The following PRSS35 variants were observed in gnomAD, a reference collection of about 807,000 sequenced individuals.
PRSS35 encodes the protein inactive serine protease 35.
Under a neutral mutation model 8.1 loss-of-function variants are expected in PRSS35, and 7 were observed. The observed-to-expected ratio is 0.86, with a 90% CI of 0.49 to 1.62. PRSS35 has a LOEUF of 1.62. Ranked by LOEUF, PRSS35 falls within the 40% of genes most tolerant of loss-of-function variation. The pLI is 0.00. For missense variants in PRSS35, 566 were observed against 518.0 expected (o/e 1.09, Z -0.90); for synonymous variants, 199 against 188.7 (o/e 1.05, Z -0.45).
At chr6:83,515,887 C>T (rs1490212428) in intron 1 of PRSS35, among the ~76,000 whole-genome samples, 1 of 152,050 alleles carries the variant, frequency 6.6e-6, no homozygotes, top group African/African-American at 2.4e-5. Flanking sequence ...GTGATCTCAC[C>T]TCACTGCAAC....
Position 83,525,049 on chromosome 6 carries a change from G to T in PRSS35, c.*366G>T. Reference sequence around the variant, plus strand: ...GTCCTACTCTAAGAAGAATCTAATAGGATGCTGGTTGTGTATTAAATGTGA... The same window carrying T: ...GTCCTACTCTAAGAAGAATCTAATATGATGCTGGTTGTGTATTAAATGTGA... On this transcript the variant is annotated 3_prime_UTR_variant, in exon 2 of 2. Transcript: ENST00000369700. 1 of 199,568 alleles carries T rather than the reference G, an allele frequency of 5.0e-6. No individual in the cohort carries two copies. Among genetic ancestry groups the T allele is most frequent in the Admixed American group, 5.5e-5 (1 of 18,206 alleles). The allele number at this position is 199,568 out of a possible 1,614,324, so 12.4% of individuals were successfully genotyped here.
chr6:83,524,827 C>A lies in PRSS35; in HGVS notation c.*144C>A. 1.0e-6 allele frequency: 1 copy of A among 959,990 alleles called. No homozygotes were observed. Among genetic ancestry groups the A allele is most frequent in the Non-Finnish European group, 1.5e-6 (1 of 664,572 alleles). The allele number at this position is 959,990 out of a possible 1,614,324, so 59.5% of individuals were successfully genotyped here. ...ACATTTTTCAAAATCAGGAGATTTT[C>A]GTCCATTTAAAAAATGTATAGGTGC... is the stretch of plus-strand genomic sequence containing the variant. On this transcript the variant is annotated 3_prime_UTR_variant, in exon 2 of 2. Coordinates refer to ENST00000369700, the MANE Select transcript of PRSS35 (RefSeq NM_153362.3).
chr6:83,522,532 G>A (rs746185033), intron 1 of PRSS35, among the ~76,000 whole-genome samples: 5 of 151,994 alleles, frequency 3.3e-5, no homozygotes, highest in Non-Finnish European at 7.4e-5. Context: ...CGGTGAAAAG[G>A]GACTATATCT....
chr6:83,524,001 G>A lies in PRSS35; in HGVS notation c.560G>A (p.Gly187Glu). Residue 187 changes from glycine to glutamate, a missense_variant, in exon 2 of 2, where the codon GGG (glycine) becomes GAG (glutamate). Transcript: ENST00000369700. Reference sequence around the variant, plus strand: ...AAAGGGAGTAAAAAGCTAAGGGTAGGGTTGTTGAAGATGAGGAATAAAAGT... The same window carrying A: ...AAAGGGAGTAAAAAGCTAAGGGTAGAGTTGTTGAAGATGAGGAATAAAAGT... ...YVKGSKKLRV[G>E]LLKMRNKSGG... 1.9e-6 allele frequency: 3 copies of A among 1,614,138 alleles called. No individual in the cohort carries two copies.
chr6:83,523,571 C>G lies in PRSS35; in HGVS notation c.130C>G (p.His44Asp). 6.2e-7 allele frequency: 1 copy of G among 1,614,110 alleles called. No individual in the cohort carries two copies. Among genetic ancestry groups the G allele is most frequent in the South Asian group, 1.1e-5 (1 of 91,072 alleles). The change falls in exon 2 of 2, where the codon CAT (histidine) becomes GAT (aspartate). Residue 44 changes from histidine (H) to aspartate (D), a missense_variant. Physicochemically the swap from His to Asp is moderately conservative, Grantham distance 81. Transcript: ENST00000369700. The stretch of plus-strand genomic sequence containing the variant: ...CCGGATTGTCAGTGAAAGGACTTTC[C>G]ATCTCACCAGCCCCGCATTTGAGGC... ...VPRIVSERTF[H>D]LTSPAFEADA...
At chr6:83,522,395 T>TGAG (rs1232715668) in intron 1 of PRSS35, among the ~76,000 whole-genome samples, 1 of 152,042 alleles carries the variant, frequency 6.6e-6, no homozygotes, top group Non-Finnish European at 1.5e-5. Flanking sequence ...CCAGTGAGCC[T>TGAG]CAAGAAAAGA....
chr6:83,514,251 A>C (rs1309646152), intron 1 of PRSS35, among the ~76,000 whole-genome samples: 1 of 152,212 alleles, frequency 6.6e-6, no homozygotes, highest in Non-Finnish European at 1.5e-5. Context: ...GCACTTCATA[A>C]GGCAGCATAT....
intron 1 of PRSS35, among the ~76,000 whole-genome samples, chr6:83,521,585 C>G (rs1272546317): frequency 6.7e-6 from 1 of 148,420 alleles, no homozygotes; most frequent in Non-Finnish European, 1.5e-5. Context: ...TCATGGTTTA[C>G]TGCAGCCTTG....
rs539242994 is a variant in PRSS35 at position 83,524,599 on chromosome 6, C to T, written c.1158C>T (p.Asn386=). The change falls in exon 2 of 2, where the codon AAC becomes AAT. Residue 386 remains asparagine, a synonymous_variant. Transcript: ENST00000369700. ...TCCACGGGGTTCAGAAGGACTACAA[C>T]GTTGCTGTTCGCATCACTCCCCTAA... The part of the protein sequence containing the change: ...VDVHGVQKDY[N]VAVRITPLKY... 6 of 1,614,178 alleles carry T rather than the reference C, an allele frequency of 3.7e-6. No individual in the cohort carries two copies. The African/African-American group carries it at 4.0e-5, about 11-fold the overall frequency.
At chr6:83,513,940 G>A (rs1042300528) in intron 1 of PRSS35, among the ~76,000 whole-genome samples, 1 of 152,118 alleles carries the variant, frequency 6.6e-6, no homozygotes, top group Non-Finnish European at 1.5e-5. Flanking sequence ...TTTAACAGTA[G>A]GATCAGACTC....
At position 83,524,496 on chromosome 6, in the gene PRSS35, T is replaced by C. The variant is rs1396040754; in HGVS notation, c.1055T>C (p.Leu352Pro). The C allele has an allele frequency of 9.3e-6, 15 of 1,614,184 alleles. No individual in the cohort carries two copies. The highest frequency in any genetic ancestry group is 1.3e-5 in the Non-Finnish European group (15 of 1,180,044). ...ESGSTGSGVY[L>P]RLKDPDKKNW... ...GGCTCCACCGGTTCGGGGGTCTATC[T>C]GCGTCTGAAAGATCCAGACAAAAAG... The change falls in exon 2 of 2, where the codon CTG becomes CCG. Residue 352 changes from leucine (L) to proline (P), a missense_variant. By Grantham distance (98) the Leu-to-Pro change is moderately conservative. Coordinates refer to ENST00000369700, the MANE Select transcript of PRSS35 (RefSeq NM_153362.3).
At chr6:83,519,627 A>G (rs1161806331) in intron 1 of PRSS35, among the ~76,000 whole-genome samples, 1 of 152,214 alleles carries the variant, frequency 6.6e-6, no homozygotes, top group Non-Finnish European at 1.5e-5. Context: ...ACAAACTTAG[A>G]TTTTCCAAAA....
intron 1 of PRSS35, among the ~76,000 whole-genome samples, chr6:83,514,094 C>T (rs1217500488): frequency 2.6e-5 from 4 of 152,148 alleles, no homozygotes; most frequent in African/African-American, 9.7e-5. Context: ...CGTTAAGCTT[C>T]GTATAGGTAA....
rs779550849 is a variant in PRSS35 at position 83,524,507 on chromosome 6, G to T, written c.1066G>T (p.Asp356Tyr). ...TTCGGGGGTCTATCTGCGTCTGAAA[G>T]ATCCAGACAAAAAGAATTGGAAGCG... ...TGSGVYLRLK[D>Y]PDKKNWKRKI... The change falls in exon 2 of 2, where the codon GAT becomes TAT. Residue 356 changes from aspartate to tyrosine, a missense_variant. Asp to Tyr is a radical substitution (Grantham distance 160, BLOSUM62 -3). Transcript: ENST00000369700. The T allele has an allele frequency of 6.2e-7, 1 of 1,614,160 alleles. No homozygotes were observed. The highest frequency in any genetic ancestry group is 1.1e-5 in the South Asian group (1 of 91,078).
At chr6:83,514,239 G>C (rs966283252) in intron 1 of PRSS35, among the ~76,000 whole-genome samples, 12 of 152,150 alleles carry the variant, frequency 7.9e-5, no homozygotes, top group African/African-American at 2.7e-4. Context: ...GCTATATGCT[G>C]TGCACTTCAT....
At chr6:83,522,377 T>G (rs1771838287) in intron 1 of PRSS35, among the ~76,000 whole-genome samples, 1 of 152,048 alleles carries the variant, frequency 6.6e-6, no homozygotes, top group African/African-American at 2.4e-5. Context: ...AATAGATACA[T>G]GTACATGCCA....
chr6:83,522,734 A>G (rs1771845640), intron 1 of PRSS35, among the ~76,000 whole-genome samples: 1 of 152,216 alleles, frequency 6.6e-6, no homozygotes, highest in Non-Finnish European at 1.5e-5. Context: ...CCTGTGCTAT[A>G]TATTTTCTTT....
intron 1 of PRSS35, among the ~76,000 whole-genome samples, chr6:83,520,339 G>C (rs1488363946): frequency 6.6e-6 from 1 of 152,146 alleles, no homozygotes; most frequent in Non-Finnish European, 1.5e-5. Flanking sequence ...AAGTCATCTG[G>C]AGGGCCGGTT....
intron 1 of PRSS35, among the ~76,000 whole-genome samples, chr6:83,516,027 C>A (rs1372992031): frequency 1.3e-5 from 2 of 151,764 alleles, no homozygotes; most frequent in Non-Finnish European, 2.9e-5. Context: ...GTTGGCCAGG[C>A]TGGTCTGGAA....
Sources: allele counts gnomAD v4.1 joint callset (sites outside exome capture counted in the v4.1 genomes callset), GRCh38; gene constraint gnomAD v4.1.1; transcripts MANE v1.5; gene names NCBI Gene and HGNC (gene_info 2026-07-23, HGNC 2026-07-21).